Variants in JAM2 observed in about 807,000 individuals in gnomAD.
JAM2 encodes the protein junctional adhesion molecule 2.
A neutral mutation model predicts 42.0 loss-of-function variants in JAM2; 17 were observed. The ratio of observed to expected loss-of-function variants is 0.40; its 90% CI spans 0.28 to 0.61. The LOEUF (loss-of-function observed/expected upper bound fraction) is 0.61, where lower values mean the gene tolerates loss of function less well. Among genes scored for constraint, JAM2 ranks in the 20% least tolerant of loss-of-function variants. JAM2 has a pLI of 0.37. For missense variants in JAM2, 319 were observed against 358.3 expected (o/e 0.89, Z 0.89); for synonymous variants, 118 against 128.6 (o/e 0.92, Z 0.56).
chr21:25,652,829 C>G (rs1302746658), intron 1 of JAM2, among the ~76,000 whole-genome samples: 1 of 152,204 alleles, frequency 6.6e-6, no homozygotes, highest in African/African-American at 2.4e-5. Context: ...CAGAAGACAT[C>G]ACAGCCTGTA....
intron 1 of JAM2, among the ~76,000 whole-genome samples, chr21:25,673,944 G>A (rs1473589750): frequency 4.6e-5 from 7 of 152,176 alleles, no homozygotes; most frequent in Non-Finnish European, 7.3e-5. Flanking sequence ...AGTCTCACGC[G>A]ATCTGATGGT....
chr21:25,704,100 G>A (rs1050409359), intron 6 of JAM2, among the ~76,000 whole-genome samples: 1 of 151,170 alleles, frequency 6.6e-6, no homozygotes, highest in Non-Finnish European at 1.5e-5. Flanking sequence ...TACTTTGAAT[G>A]CTTCATAGAT....
chr21:25,641,341 T>C (rs2032435314), intron 1 of JAM2, among the ~76,000 whole-genome samples: 1 of 152,222 alleles, frequency 6.6e-6, no homozygotes, highest in Non-Finnish European at 1.5e-5. Context: ...GTGCTATTCC[T>C]ATTGAATCAC....
At chr21:25,694,684 T>A (rs9976342) in intron 4 of JAM2, among the ~76,000 whole-genome samples, 30,065 of 151,092 alleles carry the variant, frequency 0.2, 3,137 homozygotes, top group South Asian at 0.26. Context: ...TAAAAAAAAA[T>A]AAATAAAAAG....
At position 25,716,578 on chromosome 21, in the gene JAM2, G is replaced by A. The variant is rs1355158431; in HGVS notation, c.*1906G>A. ...AACATTTTCTGTAAAGAGCCAGAAA[G>A]TAGATATTTTAAGTCATAAGGTCCC... On this transcript the variant is annotated 3_prime_UTR_variant, in exon 10 of 10. Transcript: ENST00000480456. 2 of 152,306 alleles carry A rather than the reference G, an allele frequency of 1.3e-5. No individual in the cohort carries two copies. Among genetic ancestry groups the A allele is most frequent in the East Asian group, 3.9e-4 (2 of 5,184 alleles). 9.4% of individuals were successfully genotyped at this position (152,306 alleles called of 1,614,324 possible). A position where few individuals can be genotyped will look rare whatever the true frequency, so the allele number is the denominator to read the frequency against.
At chr21:25,676,526 C>A (rs986475587) in intron 1 of JAM2, among the ~76,000 whole-genome samples, 11 of 152,054 alleles carry the variant, frequency 7.2e-5, no homozygotes, top group East Asian at 1.9e-4. Context: ...CAAAAGGTTT[C>A]ATTTGACTGG....
Position 25,712,347 on chromosome 21 carries a change from A to C in JAM2, c.829A>C (p.Asn277His). 1 of 1,589,536 alleles carries C rather than the reference A, an allele frequency of 6.3e-7. No individual in the cohort carries two copies. The highest frequency in any genetic ancestry group is 8.6e-7 in the Non-Finnish European group (1 of 1,158,450). ...FSKETSFQKS[N>H]SSSKATTMSE... is the part of the protein sequence containing the mutation. ...TTTATATTCCACAAACAGGAAGAGT[A>C]ATTCTTCATCTAAAGCCACGACAAT... Residue 277 changes from asparagine (N) to histidine (H), a missense_variant, in exon 9 of 10, where the codon AAT becomes CAT. Coordinates refer to ENST00000480456, the MANE Select transcript of JAM2 (RefSeq NM_021219.4).
intron 2 of JAM2, among the ~76,000 whole-genome samples, chr21:25,685,524 C>CAAA (rs776114627): frequency 3.3e-3 from 168 of 50,200 alleles, no homozygotes; most frequent in African/African-American, 6.0e-3. Context: ...GAGAATGTCT[C>CAAA]AAAAAAAAAA....
At chr21:25,676,861 T>C (rs2033509062) in intron 1 of JAM2, among the ~76,000 whole-genome samples, 1 of 152,178 alleles carries the variant, frequency 6.6e-6, no homozygotes, top group African/African-American at 2.4e-5. Context: ...AGTTATTAGG[T>C]ACAAGTTTTG....
rs138850947 is a variant in JAM2, at chr21:25,690,305, TCTTC to T, written c.241+350_241+353del. 2.1e-3 allele frequency among the ~76,000 whole-genome samples: 318 copies of T among 150,642 alleles called. 1 individual carries two copies. Among genetic ancestry groups the T allele is most frequent in the African/African-American group, 2.0e-3 (81 of 41,086 alleles). ...TTCTTTCTCTTTATTTCTTTCTTTC[TCTTC>T]CTTCCTTCCTTCCTTCCCTTTCTTG... is the stretch of plus-strand genomic sequence containing the variant. On this transcript the variant is annotated intron_variant, in intron 3 of 9. Transcript: ENST00000480456.
chr21:25,688,460 A>C (rs2033804374), intron 2 of JAM2, among the ~76,000 whole-genome samples: 1 of 152,198 alleles, frequency 6.6e-6, no homozygotes, highest in African/African-American at 2.4e-5. Context: ...CCTATCTACA[A>C]CTCAAGACTC....
chr21:25,648,881 A>G (rs1291604421), intron 1 of JAM2, among the ~76,000 whole-genome samples: 2 of 152,220 alleles, frequency 1.3e-5, no homozygotes, highest in Non-Finnish European at 2.9e-5. Flanking sequence ...TTTAATGTTT[A>G]TTTGTTTTGT....
intron 1 of JAM2, among the ~76,000 whole-genome samples, chr21:25,647,689 G>GA (rs1253108125): frequency 6.6e-6 from 1 of 152,144 alleles, no homozygotes; most frequent in African/African-American, 2.4e-5. Flanking sequence ...TATGGAAAGG[G>GA]AAAAATTCCA....
chr21:25,690,135 A>T (rs1395864410), intron 3 of JAM2, among the ~76,000 whole-genome samples, 162 bp downstream of exon 3: 2 of 152,242 alleles, frequency 1.3e-5, no homozygotes, highest in African/African-American at 2.4e-5. Flanking sequence ...CACAATAGCC[A>T]CAAAAGCAGA....
intron 5 of JAM2, among the ~76,000 whole-genome samples, chr21:25,701,682 CT>C (rs2034169204): frequency 6.6e-6 from 1 of 152,158 alleles, no homozygotes; most frequent in South Asian, 2.1e-4. Flanking sequence ...TAAGATTTTC[CT>C]AGGCCCTAAG....
chr21:25,698,919 A>G lies in JAM2; in HGVS notation c.597+40A>G, dbSNP rs530211533. On this transcript the variant is annotated intron_variant, in intron 5 of 9. Transcript: ENST00000480456. ...AGATTTGACTTGATAACTGTCTTGC[A>G]TTTGGATAAAAAAATTATTAGAACT... 147 of 1,535,150 alleles carry G rather than the reference A, an allele frequency of 9.6e-5. 1 individual carries two copies. In the South Asian group the frequency reaches 1.6e-3, roughly 17 times the overall value.
chr21:25,684,715 C>T (rs1421157113), intron 2 of JAM2, among the ~76,000 whole-genome samples: 1 of 152,030 alleles, frequency 6.6e-6, no homozygotes, highest in Non-Finnish European at 1.5e-5. Context: ...GTGATCCTCC[C>T]ACCTCAGCCA....
chr21:25,690,500 T>TTATATTTA (rs1555869247), intron 3 of JAM2, among the ~76,000 whole-genome samples: 2 of 151,936 alleles, frequency 1.3e-5, no homozygotes. Context: ...GCTAATTTAA[T>TTATATTTA]TTTATTTATT....
At chr21:25,648,877 G>A (rs1568886668) in intron 1 of JAM2, among the ~76,000 whole-genome samples, 1 of 152,166 alleles carries the variant, frequency 6.6e-6, no homozygotes, top group Non-Finnish European at 1.5e-5. Context: ...GGAATTTAAT[G>A]TTTATTTGTT....
Sources: allele counts gnomAD v4.1 joint callset (sites outside exome capture counted in the v4.1 genomes callset), GRCh38; gene constraint gnomAD v4.1.1; transcripts MANE v1.5; gene names NCBI Gene and HGNC (gene_info 2026-07-23, HGNC 2026-07-21).